The following PAX7 variants were observed in gnomAD, a reference collection of about 807,000 sequenced individuals.
PAX7 encodes paired box protein Pax-7.
PAX7 carries 18 observed loss-of-function variants against 50.7 expected under a neutral mutation model. That is an observed-to-expected ratio of 0.36 (90% CI 0.25 to 0.53). The LOEUF is 0.53. Ranked by LOEUF, PAX7 falls within the 20% of genes least tolerant of loss-of-function variation. The pLI is 0.93. For missense variants in PAX7, 644 were observed against 702.9 expected (o/e 0.92, Z 0.95); for synonymous variants, 310 against 290.4 (o/e 1.07, Z -0.69).
Position 18,746,908 on chromosome 1 carries a change from G to A in PAX7, c.*1979G>A, listed in dbSNP as rs1931467368. On this transcript the variant is annotated 3_prime_UTR_variant, in exon 9 of 9. Transcript: ENST00000420770. The stretch of plus-strand genomic sequence containing the variant: ...ACCTATGAATAACTGGGGACAAACA[G>A]ACTCTTTGGTAGCAGCAGACACATG... 4.3e-6 allele frequency: 1 copy of A among 231,912 alleles called. No homozygotes were observed. Among genetic ancestry groups the A allele is most frequent in the Admixed American group, 5.6e-5 (1 of 17,732 alleles). The allele number at this position is 231,912 out of a possible 1,614,324, so 14.4% of individuals were successfully genotyped here.
rs1476474200 is a variant in PAX7 at position 18,634,961 on chromosome 1, A to G, written c.322-150A>G. 8 of 1,002,954 alleles carry G rather than the reference A, an allele frequency of 8.0e-6. No individual in the cohort carries two copies. Among genetic ancestry groups the G allele is most frequent in the African/African-American group, 3.3e-5 (2 of 60,922 alleles). The allele number at this position is 1,002,954 out of a possible 1,614,324, so 62.1% of individuals were successfully genotyped here. On this transcript the variant is annotated intron_variant, in intron 2 of 8. Transcript: ENST00000420770. This position sits in a 1 kb window ranked among gnomAD's most constrained non-coding sequence, Gnocchi z 4.0. ...TGGGAGCCAGGAACCGGTTTCTTGA[A>G]AGGATAAAGCCAATCTCTTGGGGGA...
intron 4 of PAX7, among the ~76,000 whole-genome samples, chr1:18,649,012 G>A (rs539150663): frequency 1.3e-5 from 2 of 152,298 alleles, no homozygotes; most frequent in South Asian, 2.1e-4. Context: ...TACTGAGCCC[G>A]TGACTGGCTG....
intron 4 of PAX7, among the ~76,000 whole-genome samples, chr1:18,657,490 G>T (rs773833516): frequency 2.0e-5 from 3 of 152,036 alleles, no homozygotes; most frequent in African/African-American, 7.2e-5. Context: ...CCAGAGGAAG[G>T]GTTCCTGGCT....
At position 18,746,451 on chromosome 1, in the gene PAX7, C is replaced by G. The variant is rs889009475; in HGVS notation, c.*1522C>G. ...ACCCTCAATTCCTCCTCCCTGGGAA[C>G]TTTTTACCACCTTTACCTATTTATC... On this transcript the variant is annotated 3_prime_UTR_variant, in exon 9 of 9. Transcript: ENST00000420770. The G allele has an allele frequency of 4.3e-6, 1 of 230,826 alleles. No individual in the cohort carries two copies. Among genetic ancestry groups the G allele is most frequent in the Non-Finnish European group, 8.6e-6 (1 of 116,634 alleles). The allele number at this position is 230,826 out of a possible 1,614,324, so 14.3% of individuals were successfully genotyped here. A position where few individuals can be genotyped will look rare whatever the true frequency, so the allele number is the denominator to read the frequency against.
chr1:18,697,209 C>T (rs2282705), intron 5 of PAX7, among the ~76,000 whole-genome samples: 8,612 of 152,204 alleles, frequency 0.057, 419 homozygotes, highest in East Asian at 0.25. Context: ...CTACTCCCAG[C>T]GCAGGGTATT....
intron 7 of PAX7, among the ~76,000 whole-genome samples, chr1:18,729,041 C>G (rs1386163947): frequency 1.3e-5 from 2 of 152,168 alleles, no homozygotes; most frequent in Non-Finnish European, 2.9e-5. Context: ...TTCCAGACCC[C>G]AGACCCTTAG....
Position 18,744,844 on chromosome 1 carries a change from G to A in PAX7, c.1433G>A (p.Ser478Asn). 1.3e-6 allele frequency: 2 copies of A among 1,556,342 alleles called. No homozygotes were observed. Among genetic ancestry groups the A allele is most frequent in the South Asian group, 1.2e-5 (1 of 84,242 alleles). ...TAVDYLAKNV[S>N]LSTQRRMKLG... ...GTTGATTATCTGGCCAAAAATGTGA[G>A]CCTCTCCACCCAGCGTCGCATGAAG... is the stretch of plus-strand genomic sequence containing the variant. Residue 478 changes from serine (S) to asparagine (N), a missense_variant, in exon 9 of 9, where the codon AGC becomes AAC. Ser to Asn is a conservative substitution (Grantham distance 46). Transcript: ENST00000420770.
intron 7 of PAX7, among the ~76,000 whole-genome samples, chr1:18,711,700 G>C (rs2089353400): frequency 6.6e-6 from 1 of 152,068 alleles, no homozygotes; most frequent in African/African-American, 2.4e-5. Flanking sequence ...GTTTTTCCCA[G>C]GATTAGGGGA....
At chr1:18,695,363 C>T (rs981732853) in intron 5 of PAX7, among the ~76,000 whole-genome samples, 23 of 152,222 alleles carry the variant, frequency 1.5e-4, no homozygotes, top group African/African-American at 5.5e-4. Flanking sequence ...TTACAGAGTA[C>T]TTGCTGTGTG....
chr1:18,737,495 G>C (rs1484820842), intron 8 of PAX7, among the ~76,000 whole-genome samples: 1 of 152,284 alleles, frequency 6.6e-6, no homozygotes, highest in Non-Finnish European at 1.5e-5. Context: ...GTGTGTATGG[G>C]TGTTTGTGAG....
chr1:18,685,926 T>TCACCATCAC (rs2088967627), intron 4 of PAX7, among the ~76,000 whole-genome samples: 1 of 152,084 alleles, frequency 6.6e-6, no homozygotes, highest in African/African-American at 2.4e-5. Context: ...ACCATCACCA[T>TCACCATCAC]CACCATCACC....
rs534252432 is a variant in PAX7, at chr1:18,745,114, C to T, written c.*185C>T. 1.7e-6 allele frequency: 1 copy of T among 595,322 alleles called. No individual in the cohort carries two copies. Among genetic ancestry groups the T allele is most frequent in the African/African-American group, 1.9e-5 (1 of 53,732 alleles). The allele number at this position is 595,322 out of a possible 1,614,324, so 36.9% of individuals were successfully genotyped here. A position where few individuals can be genotyped will look rare whatever the true frequency, so the allele number is the denominator to read the frequency against. ...TGTCACTCACCTGTGGTTAGGGATC[C>T]AGAGTGATGCCCTTGGAGTCTGCTC... On this transcript the variant is annotated 3_prime_UTR_variant, in exon 9 of 9. Transcript: ENST00000420770.
Position 18,702,177 on chromosome 1 carries a change from C to G in PAX7, c.953-917C>G, listed in dbSNP as rs554224916. Among the ~76,000 whole-genome samples the G allele has an allele frequency of 1.6e-4, 23 of 146,540 alleles. No homozygotes were observed. The South Asian group carries it at 3.9e-3, about 25-fold the overall frequency. ...TGAAACTCCATCTCTACTAAAAATACAAAAAAAAAAAATTATCTGGGCATG... is the reference window on the plus strand; with the variant it reads ...TGAAACTCCATCTCTACTAAAAATAGAAAAAAAAAAAATTATCTGGGCATG... On this transcript the variant is annotated intron_variant, in intron 6 of 8. Transcript: ENST00000420770.
chr1:18,653,762 A>T (rs774405565), intron 4 of PAX7, among the ~76,000 whole-genome samples: 1 of 151,900 alleles, frequency 6.6e-6, no homozygotes, highest in African/African-American at 2.4e-5. Context: ...GCTTGAAGTC[A>T]TCTAGCTGAG....
chr1:18,682,453 C>T (rs545053530), intron 4 of PAX7, among the ~76,000 whole-genome samples: 1 of 152,292 alleles, frequency 6.6e-6, no homozygotes, highest in East Asian at 1.9e-4. Flanking sequence ...TGCCCCCTTT[C>T]TAGAATCTCC....
intron 4 of PAX7, among the ~76,000 whole-genome samples, chr1:18,677,409 G>A (rs1330785263): frequency 3.3e-5 from 5 of 152,190 alleles, no homozygotes; most frequent in African/African-American, 1.2e-4. Context: ...TTTCATGGTG[G>A]CATGATCCTG....
chr1:18,675,672 CT>C (rs1401295356), intron 4 of PAX7, among the ~76,000 whole-genome samples: 1 of 152,216 alleles, frequency 6.6e-6, no homozygotes. Flanking sequence ...CCCCCGGCTG[CT>C]TTTTGTAAAC....
intron 4 of PAX7, among the ~76,000 whole-genome samples, chr1:18,680,086 G>A (rs1268536674): frequency 1.3e-5 from 2 of 152,142 alleles, no homozygotes; most frequent in South Asian, 2.1e-4. Flanking sequence ...TTTTACAGAT[G>A]AGGAAATTGA....
intron 4 of PAX7, among the ~76,000 whole-genome samples, chr1:18,681,757 TTTTTA>T (rs1427655336): frequency 4.0e-5 from 6 of 149,050 alleles, no homozygotes. Flanking sequence ...TTTATTTTTA[TTTTTA>T]TTTTTTGATA....
Sources: gnomAD v4.1 joint callset for allele counts (sites outside exome capture counted in the v4.1 genomes callset) on GRCh38, gnomAD v4.1.1 for gene constraint, Gnocchi (gnomAD v3.1) non-coding constraint, MANE v1.5 for transcripts, NCBI Gene and HGNC (gene_info 2026-07-23, HGNC 2026-07-21) for gene names.